Variants in SLTM observed in about 807,000 individuals in gnomAD.
SLTM encodes SAFB-like transcription modulator.
A neutral mutation model predicts 134.6 loss-of-function variants in SLTM; 43 were observed. The ratio of observed to expected loss-of-function variants is 0.32; its 90% CI spans 0.25 to 0.41. The LOEUF (loss-of-function observed/expected upper bound fraction) is 0.41, where lower values mean the gene tolerates loss of function less well. Ranked by LOEUF, SLTM falls within the 10% of genes least tolerant of loss-of-function variation. The pLI is 1.00. For synonymous variants in SLTM, 424 were observed against 432.3 expected, an observed-to-expected ratio of 0.98 and a Z score of 0.24; for missense variants, 1,055 against 1,288.8, an observed-to-expected ratio of 0.82 and a Z score of 2.78.
chr15:58,905,743 TAAA>T, intron 5 of SLTM, among the ~76,000 whole-genome samples: 1 of 145,914 alleles, frequency 6.9e-6, no homozygotes, highest in South Asian at 2.2e-4. Context: ...TACTATGATG[TAAA>T]AAAAAAAACT....
At chr15:58,905,163 AT>A (rs1331513971) in intron 5 of SLTM, among the ~76,000 whole-genome samples, 1 of 152,186 alleles carries the variant, frequency 6.6e-6, no homozygotes, top group Non-Finnish European at 1.5e-5. Flanking sequence ...GTCTTAATAA[AT>A]TGTTTTACTA....
intron 2 of SLTM, among the ~76,000 whole-genome samples, chr15:58,931,165 A>T (rs1485255041): frequency 6.6e-6 from 1 of 152,186 alleles, no homozygotes; most frequent in East Asian, 1.9e-4. Context: ...AAATACAGAA[A>T]ATGTATCTCT....
chr15:58,902,131 A>T (rs1010382400), intron 5 of SLTM, among the ~76,000 whole-genome samples: 3 of 152,248 alleles, frequency 2.0e-5, no homozygotes, highest in Admixed American at 6.5e-5. Context: ...AATAATGCAA[A>T]CATCACTGAA....
At chr15:58,923,155 C>A (rs1159013576) in intron 2 of SLTM, among the ~76,000 whole-genome samples, 2 of 151,982 alleles carry the variant, frequency 1.3e-5, no homozygotes, top group Non-Finnish European at 2.9e-5. Flanking sequence ...GTCAGAAGTT[C>A]AAGACTAGTA....
intron 4 of SLTM, 24 bp from the exon 5 acceptor site, chr15:58,912,634 C>A (rs1259713979): frequency 2.7e-5 from 42 of 1,577,904 alleles, no homozygotes; most frequent in Non-Finnish European, 3.5e-5. Context: ...TATACAATAG[C>A]TTTGCTTTAT....
At chr15:58,901,855 G>C (rs1235572309) in intron 5 of SLTM, among the ~76,000 whole-genome samples, 1 of 151,324 alleles carries the variant, frequency 6.6e-6, no homozygotes, top group Non-Finnish European at 1.5e-5. Context: ...ATCAACCACT[G>C]CACTCCAGCT....
intron 15 of SLTM, chr15:58,889,828 A>G: frequency 2.5e-6 from 1 of 401,458 alleles, no homozygotes; most frequent in South Asian, 3.2e-5. Flanking sequence ...AAAAGCACCT[A>G]AAGGGAATTA....
chr15:58,905,280 G>A (rs922213216), intron 5 of SLTM, among the ~76,000 whole-genome samples: 2 of 152,236 alleles, frequency 1.3e-5, no homozygotes, highest in African/African-American at 4.8e-5. Flanking sequence ...AGGAAAGAAT[G>A]AGTTATGCTT....
At position 58,887,445 on chromosome 15, in the gene SLTM, C is replaced by T. The variant is rs754113409; in HGVS notation, c.2471G>A (p.Ser824Asn). The T allele has an allele frequency of 3.1e-6, 5 of 1,614,038 alleles. No individual in the cohort carries two copies. The East Asian group carries it at 1.1e-4, about 36-fold the overall frequency. Residue 824 changes from serine to asparagine, a missense_variant, in exon 18 of 21, where the codon AGT becomes AAT. By Grantham distance (46) the Ser-to-Asn change is conservative. Coordinates refer to ENST00000380516, the MANE Select transcript of SLTM (RefSeq NM_024755.4). Reference sequence around the variant, plus strand: ...TGGAGGCTCATTTCTTCTGGAGTCACTGAAATTTTTGGGATATCTTTCGAA... The same window carrying T: ...TGGAGGCTCATTTCTTCTGGAGTCATTGAAATTTTTGGGATATCTTTCGAA... ...PSFERYPKNF[S>N]DSRRNEPPPP... is the part of the protein sequence containing the mutation.
chr15:58,897,478 GTC>G, intron 8 of SLTM: 1 of 353,494 alleles, frequency 2.8e-6, no homozygotes, highest in Non-Finnish European at 5.2e-6. Context: ...TCAATTACAT[GTC>G]TCAGACTTTT....
At chr15:58,891,986 C>T (rs2034674235) in intron 14 of SLTM, among the ~76,000 whole-genome samples, 1 of 152,098 alleles carries the variant, frequency 6.6e-6, no homozygotes, top group South Asian at 2.1e-4. Flanking sequence ...CACATTTGGA[C>T]TTCATCTTAA....
chr15:58,933,424 G>A lies in SLTM; in HGVS notation c.142C>T (p.Leu48Phe). 1.3e-6 allele frequency: 2 copies of A among 1,584,580 alleles called. No individual in the cohort carries two copies. Among genetic ancestry groups the A allele is most frequent in the South Asian group, 1.1e-5 (1 of 88,168 alleles). The change falls in exon 1 of 21, where the codon CTC (leucine) becomes TTC (phenylalanine). Residue 48 changes from leucine to phenylalanine, a missense_variant. Physicochemically the swap from Leu to Phe is conservative, Grantham distance 22 (BLOSUM62 0). Around this residue, in one of 3 missense-constraint regions of SLTM, gnomAD observed 268 missense variants for 284.3 expected, o/e 0.94. Transcript: ENST00000380516. Reference protein sequence around the residue: ...NLDITGVKTVLISRLKQAIEE... With the variant: ...NLDITGVKTVFISRLKQAIEE... ...CTCACCTGCTTGAGTCGGGAGATGA[G>A]CACGGTCTTGACTCCGGTGATGTCT...
intron 20 of SLTM, among the ~76,000 whole-genome samples, chr15:58,881,296 G>GGAGGATCACCT (rs1203278529): frequency 6.6e-6 from 1 of 152,168 alleles, no homozygotes; most frequent in East Asian, 1.9e-4. Flanking sequence ...GGCTGAAGCT[G>GGAGGATCACCT]GAGGATCACC....
At chr15:58,892,742 T>C (rs950381706) in intron 14 of SLTM, among the ~76,000 whole-genome samples, 155 bp downstream of exon 14, 12 of 152,248 alleles carry the variant, frequency 7.9e-5, no homozygotes, top group Non-Finnish European at 1.3e-4. Context: ...TGTAAAGTGC[T>C]ATGCAAACTT....
chr15:58,895,327 T>C (rs2035001246), intron 9 of SLTM, among the ~76,000 whole-genome samples: 1 of 152,016 alleles, frequency 6.6e-6, no homozygotes. Flanking sequence ...TAAAAATGCA[T>C]CCCCCGAAAA....
Position 58,933,646 on chromosome 15 carries a change from G to A in SLTM, c.-81C>T, listed in dbSNP as rs2038067362. On this transcript the variant is annotated 5_prime_UTR_variant, in exon 1 of 21. Transcript: ENST00000380516. ...AGCGCCAACTTCCACCCAGGCCTCG[G>A]CGGCCGCCGGCGCCGCGCAGCGCTG... The A allele has an allele frequency of 2.9e-6, 4 of 1,379,018 alleles. No individual in the cohort carries two copies. The highest frequency in any genetic ancestry group is 2.8e-6 in the Non-Finnish European group (3 of 1,071,066). 85.4% of individuals were successfully genotyped at this position (1,379,018 alleles called of 1,614,324 possible). A position where few individuals can be genotyped will look rare whatever the true frequency, so the allele number is the denominator to read the frequency against.
At chr15:58,882,256 A>G (rs1196513425) in intron 20 of SLTM, among the ~76,000 whole-genome samples, 4 of 151,138 alleles carry the variant, frequency 2.6e-5, no homozygotes, top group African/African-American at 4.8e-5. Context: ...ATTTCCAGTC[A>G]GGGTGAATGA....
At chr15:58,916,158 A>G (rs2036628669) in intron 3 of SLTM, among the ~76,000 whole-genome samples, 1 of 149,516 alleles carries the variant, frequency 6.7e-6, no homozygotes, top group Non-Finnish European at 1.5e-5. Flanking sequence ...TAAATTTCTT[A>G]ATTTGATCTC....
At chr15:58,916,337 C>T (rs1158001276) in intron 3 of SLTM, among the ~76,000 whole-genome samples, 2 of 152,134 alleles carry the variant, frequency 1.3e-5, no homozygotes, top group African/African-American at 4.8e-5. Flanking sequence ...CCACACCTGG[C>T]TAATTTTTGT....
Sources: gnomAD v4.1 joint callset for allele counts (sites outside exome capture counted in the v4.1 genomes callset) on GRCh38, gnomAD v4.1.1 for gene constraint, gnomAD v4.1.1 regional missense constraint, MANE v1.5 for transcripts, NCBI Gene and HGNC (gene_info 2026-07-23, HGNC 2026-07-21) for gene names.